COL4A1: variants seen among roughly 807,000 people sequenced by gnomAD.
COL4A1 encodes the protein collagen alpha-1(IV) chain.
Under a neutral mutation model 216.6 loss-of-function variants are expected in COL4A1, and 40 were observed. The ratio of observed to expected loss-of-function variants is 0.18; its 90% CI spans 0.14 to 0.24. The LOEUF (loss-of-function observed/expected upper bound fraction) is 0.24. Ranked by LOEUF, COL4A1 falls within the 10% of genes least tolerant of loss-of-function variation. COL4A1 has a pLI of 1.00. For synonymous variants in COL4A1, 839 were observed against 810.7 expected (o/e 1.03, Z -0.59); for missense variants, 1,628 against 2,196.8 (o/e 0.74, Z 5.18).
At chr13:110,210,766 T>A (rs1378313660) in intron 8 of COL4A1, among the ~76,000 whole-genome samples, 1 of 152,146 alleles carries the variant, frequency 6.6e-6, no homozygotes, top group African/African-American at 2.4e-5. Context: ...TCCATAATGC[T>A]GGTGGGCCTC....
At chr13:110,244,991 C>T (rs983207005) in intron 1 of COL4A1, among the ~76,000 whole-genome samples, 2 of 152,300 alleles carry the variant, frequency 1.3e-5, no homozygotes, top group South Asian at 4.1e-4. Context: ...GGTGCTGTTA[C>T]TGGTGTTACC....
At chr13:110,159,102 G>A (rs1023003037) in intron 49 of COL4A1, among the ~76,000 whole-genome samples, 2 of 152,178 alleles carry the variant, frequency 1.3e-5, no homozygotes, top group African/African-American at 4.8e-5. Flanking sequence ...GTTATTTTCA[G>A]TGGTAATAAT....
At chr13:110,236,022 C>G (rs2139237794) in intron 2 of COL4A1, among the ~76,000 whole-genome samples, 1 of 152,250 alleles carries the variant, frequency 6.6e-6, no homozygotes, top group South Asian at 2.1e-4. Context: ...TTAATTACAA[C>G]TATGAAAATA....
intron 1 of COL4A1, among the ~76,000 whole-genome samples, chr13:110,253,181 G>A (rs1403972337): frequency 8.5e-6 from 1 of 118,012 alleles, no homozygotes; most frequent in African/African-American, 3.5e-5. Flanking sequence ...CTATATGTAC[G>A]TATGTATTAT....
chr13:110,214,775 G>A (rs1879989015), intron 2 of COL4A1, among the ~76,000 whole-genome samples: 1 of 152,204 alleles, frequency 6.6e-6, no homozygotes. Context: ...CAGGCTTGCA[G>A]GCGGCAGATC....
At chr13:110,182,139 G>A (rs1244697029) in intron 28 of COL4A1, among the ~76,000 whole-genome samples, 1 of 152,206 alleles carries the variant, frequency 6.6e-6, no homozygotes, top group African/African-American at 2.4e-5. Context: ...GTGTGACGAG[G>A]CCTCAGCGCC....
intron 24 of COL4A1, among the ~76,000 whole-genome samples, chr13:110,187,575 G>A (rs1295907730): frequency 6.6e-6 from 1 of 152,158 alleles, no homozygotes; most frequent in African/African-American, 2.4e-5. Flanking sequence ...AGACCTGGAT[G>A]GGGCAGAGGG....
intron 1 of COL4A1, among the ~76,000 whole-genome samples, chr13:110,275,288 G>T (rs918540752): frequency 6.6e-6 from 1 of 152,190 alleles, no homozygotes; most frequent in Admixed American, 6.5e-5. Flanking sequence ...TAAACAGGTT[G>T]AAAATAACCA....
chr13:110,297,973 C>G lies in COL4A1; in HGVS notation c.84+8971G>C, dbSNP rs181023213. ...TGGGCCTTTGGTTACAAATTGGCTT[C>G]TCGCCTAGGACAATACCCAAAGTTA... On this transcript the variant is annotated intron_variant, in intron 1 of 51. Coordinates refer to ENST00000375820, the MANE Select transcript of COL4A1 (RefSeq NM_001845.6). 1.9e-4 allele frequency among the ~76,000 whole-genome samples: 28 copies of G among 150,856 alleles called. No homozygotes were observed. The East Asian group carries it at 5.2e-3, about 28-fold the overall frequency.
intron 1 of COL4A1, among the ~76,000 whole-genome samples, chr13:110,289,302 C>T (rs75120287): frequency 0.1 from 15,927 of 152,112 alleles, 933 homozygotes; most frequent in South Asian, 0.19. Flanking sequence ...GGCCGGGGTG[C>T]CATCCACTGC....
intron 29 of COL4A1, 94 bp downstream of exon 29, chr13:110,181,198 A>C (rs1878134979): frequency 8.1e-7 from 1 of 1,228,114 alleles, no homozygotes; most frequent in African/African-American, 1.5e-5. Flanking sequence ...TGCTGGCCCA[A>C]CATGTCCTGG....
chr13:110,172,850 T>C, intron 40 of COL4A1, 80 bp from the exon 41 acceptor site: 1 of 1,110,634 alleles, frequency 9.0e-7, no homozygotes, highest in Middle Eastern at 2.0e-4. Flanking sequence ...CACTATCAAC[T>C]CTGCAATAAT....
At chr13:110,208,695 G>T (rs1189696734) in intron 12 of COL4A1, among the ~76,000 whole-genome samples, 154 bp downstream of exon 12, 1 of 152,144 alleles carries the variant, frequency 6.6e-6, no homozygotes, top group Non-Finnish European at 1.5e-5. Context: ...AATAATGCTG[G>T]CATTTTAAGG....
intron 1 of COL4A1, among the ~76,000 whole-genome samples, chr13:110,251,681 C>A (rs923862845): frequency 3.3e-5 from 5 of 152,222 alleles, no homozygotes; most frequent in Non-Finnish European, 5.9e-5. Flanking sequence ...GGCTGTTCAC[C>A]TAGGAAGAAC....
chr13:110,178,032 T>A (rs755823581), intron 32 of COL4A1, 32 bp downstream of exon 32: 3 of 1,614,140 alleles, frequency 1.9e-6, no homozygotes, highest in Non-Finnish European at 2.5e-6. Context: ...GTCTTCATGA[T>A]GGATCCAGGC....
chr13:110,265,093 T>C (rs1277129713), intron 1 of COL4A1, among the ~76,000 whole-genome samples: 2 of 152,210 alleles, frequency 1.3e-5, no homozygotes, highest in Non-Finnish European at 2.9e-5. Context: ...AGAGACCTTC[T>C]CGCTGCCTTC....
chr13:110,176,654 G>A lies in COL4A1; in HGVS notation c.2940C>T (p.Asp980=), dbSNP rs568279107. Residue 980 remains aspartate (D), a synonymous_variant, in exon 35 of 52, where the codon GAC becomes GAT. Coordinates refer to ENST00000375820, the MANE Select transcript of COL4A1 (RefSeq NM_001845.6). ...DPGTPGVPGK[D]GQAGQPGQPG... Reference sequence around the variant, plus strand: ...GCTGCCCAGGCTGTCCTGCCTGCCCGTCCTTTCCAGGCACTCCTGGGGTCC... The same window carrying A: ...GCTGCCCAGGCTGTCCTGCCTGCCCATCCTTTCCAGGCACTCCTGGGGTCC... The A allele has an allele frequency of 4.0e-5, 64 of 1,614,128 alleles. 1 individual carries two copies. Among genetic ancestry groups the A allele is most frequent in the Middle Eastern group, 3.3e-4 (2 of 6,062 alleles).
intron 2 of COL4A1, among the ~76,000 whole-genome samples, chr13:110,241,381 T>C (rs1364666007): frequency 1.3e-5 from 2 of 152,162 alleles, no homozygotes; most frequent in East Asian, 1.9e-4. Flanking sequence ...GTAATCATGA[T>C]CCAGGCCTTA....
chr13:110,276,541 A>T (rs1883439042), intron 1 of COL4A1, among the ~76,000 whole-genome samples: 1 of 152,172 alleles, frequency 6.6e-6, no homozygotes, highest in South Asian at 2.1e-4. Context: ...TTTTTGTAGG[A>T]TATTTACTAC....
Sources: gnomAD v4.1 joint callset for allele counts (sites outside exome capture counted in the v4.1 genomes callset) on GRCh38, gnomAD v4.1.1 for gene constraint, MANE v1.5 for transcripts, NCBI Gene and HGNC (gene_info 2026-07-23, HGNC 2026-07-21) for gene names.